Variants in PPFIA2 observed in about 807,000 individuals in gnomAD.
The protein encoded by PPFIA2 is PPFI scaffold protein A2.
PPFIA2 carries 46 observed loss-of-function variants against 175.5 expected under a neutral mutation model. That is an observed-to-expected ratio of 0.26 (90% CI 0.21 to 0.34). The LOEUF (loss-of-function observed/expected upper bound fraction) is 0.34, where lower values mean the gene tolerates loss of function less well. PPFIA2 is among the 10% of genes least tolerant of loss of function. The pLI is 1.00. For missense variants in PPFIA2, 1,179 were observed against 1,506.1 expected (o/e 0.78, Z 3.60); for synonymous variants, 568 against 511.4 (o/e 1.11, Z -1.49).
At chr12:81,581,888 T>C (rs1305252555) in intron 4 of PPFIA2, among the ~76,000 whole-genome samples, 2 of 151,920 alleles carry the variant, frequency 1.3e-5, no homozygotes, top group East Asian at 1.9e-4. Flanking sequence ...TTAAAATGTA[T>C]AAAATGCCTT....
intron 22 of PPFIA2, among the ~76,000 whole-genome samples, chr12:81,301,152 G>T (rs1410931637): frequency 6.6e-6 from 1 of 152,024 alleles, no homozygotes; most frequent in Non-Finnish European, 1.5e-5. Flanking sequence ...AAGAGGTGGG[G>T]ATGGCATTCC....
intron 4 of PPFIA2, among the ~76,000 whole-genome samples, chr12:81,621,946 T>C (rs2062090797): frequency 6.6e-6 from 1 of 152,070 alleles, no homozygotes; most frequent in South Asian, 2.1e-4. Context: ...GGAGTAAGTA[T>C]AGGGAAAGAA....
intron 4 of PPFIA2, among the ~76,000 whole-genome samples, chr12:81,489,205 T>C (rs1052518631): frequency 2.0e-5 from 3 of 151,818 alleles, no homozygotes; most frequent in African/African-American, 7.2e-5. Context: ...TAAAATTTAG[T>C]TCCCTAGTTG....
intron 28 of PPFIA2, among the ~76,000 whole-genome samples, chr12:81,270,113 C>G (rs1381609359): frequency 6.6e-6 from 1 of 152,128 alleles, no homozygotes; most frequent in East Asian, 1.9e-4. Context: ...TATTGTTATA[C>G]ATGGATTTTG....
At chr12:81,532,753 T>C (rs547846274) in intron 4 of PPFIA2, among the ~76,000 whole-genome samples, 31 of 151,842 alleles carry the variant, frequency 2.0e-4, no homozygotes, top group African/African-American at 7.0e-4. Context: ...TGATTCCCAT[T>C]TTATTTTTAA....
intron 3 of PPFIA2, among the ~76,000 whole-genome samples, chr12:81,706,334 A>G (rs2077134188): frequency 6.6e-6 from 1 of 152,228 alleles, no homozygotes; most frequent in South Asian, 2.1e-4. Flanking sequence ...TAGGGAGGCT[A>G]TATTACATAT....
chr12:81,646,212 C>A, intron 4 of PPFIA2, among the ~76,000 whole-genome samples: 1 of 152,124 alleles, frequency 6.6e-6, no homozygotes, highest in South Asian at 2.1e-4. Flanking sequence ...CAGAATTCTA[C>A]AATGATATAG....
chr12:81,592,932 AT>A (rs1444413358), intron 4 of PPFIA2, among the ~76,000 whole-genome samples: 1 of 151,088 alleles, frequency 6.6e-6, no homozygotes, highest in Non-Finnish European at 1.5e-5. Context: ...ATTTTTTTGT[AT>A]TTTTGATAGA....
intron 3 of PPFIA2, among the ~76,000 whole-genome samples, chr12:81,677,665 T>C (rs892837266): frequency 1.3e-5 from 2 of 151,918 alleles, no homozygotes; most frequent in Admixed American, 6.6e-5. Context: ...TGTTGCAAAT[T>C]TTAAAAATTA....
chr12:81,293,911 T>C (rs191249628), intron 24 of PPFIA2, among the ~76,000 whole-genome samples: 162 of 152,220 alleles, frequency 1.1e-3, no homozygotes, highest in South Asian at 3.9e-3. Flanking sequence ...CAGTGGATGA[T>C]TGGATAAATA....
At chr12:81,266,877 T>G (rs2037417318) in intron 30 of PPFIA2, 75 bp downstream of exon 30, 1 of 1,043,658 alleles carries the variant, frequency 9.6e-7, no homozygotes, top group East Asian at 2.5e-5. Context: ...CCAAGCACTA[T>G]TCCTTAAAAA....
At chr12:81,299,817 A>G (rs1199216819) in intron 22 of PPFIA2, among the ~76,000 whole-genome samples, 1 of 152,138 alleles carries the variant, frequency 6.6e-6, no homozygotes, top group Admixed American at 6.6e-5. Context: ...GAGGCAGAAG[A>G]TAAATTTGGT....
chr12:81,482,491 A>G (rs1193505590), intron 4 of PPFIA2, among the ~76,000 whole-genome samples: 1 of 152,200 alleles, frequency 6.6e-6, no homozygotes, highest in Non-Finnish European at 1.5e-5. Context: ...ACCCACCCAT[A>G]TGTCCATCAG....
At chr12:81,700,426 C>G (rs1161726155) in intron 3 of PPFIA2, among the ~76,000 whole-genome samples, 1 of 151,950 alleles carries the variant, frequency 6.6e-6, no homozygotes, top group Non-Finnish European at 1.5e-5. Flanking sequence ...AGATTTTTGT[C>G]TACCAAATAT....
At chr12:81,357,267 C>A (rs1566408233) in intron 16 of PPFIA2, among the ~76,000 whole-genome samples, 1 of 152,020 alleles carries the variant, frequency 6.6e-6, no homozygotes, top group Non-Finnish European at 1.5e-5. Flanking sequence ...TTCATGTATT[C>A]AACAGATATT....
intron 4 of PPFIA2, among the ~76,000 whole-genome samples, chr12:81,592,031 C>T (rs370726677): frequency 5.0e-4 from 76 of 152,200 alleles, no homozygotes; most frequent in African/African-American, 1.7e-3. Context: ...GGTGGAATTG[C>T]CCATGACCAT....
chr12:81,334,560 T>C (rs1182538268), intron 21 of PPFIA2, among the ~76,000 whole-genome samples: 1 of 151,972 alleles, frequency 6.6e-6, no homozygotes, highest in Non-Finnish European at 1.5e-5. Context: ...TATATTCTGG[T>C]TGAACTCTTT....
At chr12:81,595,028 G>A (rs966268598) in intron 4 of PPFIA2, among the ~76,000 whole-genome samples, 2 of 152,058 alleles carry the variant, frequency 1.3e-5, no homozygotes, top group African/African-American at 2.4e-5. Flanking sequence ...CTGAGTGAAG[G>A]TATTTAATTT....
In PPFIA2 at chr12:81,328,817, T is replaced by TC. The variant is rs1300726068; in HGVS notation, c.2549-2948dup. ...TTTCTTTTTTCTTTTTTTCTTTCTTTCTTTTTTTTTTTTTTTTAAACAGGG... is the reference window on the plus strand; with the variant it reads ...TTTCTTTTTTCTTTTTTTCTTTCTTTCCTTTTTTTTTTTTTTTTAAACAGGG... On this transcript the variant is annotated intron_variant, in intron 21 of 32. Coordinates refer to ENST00000549396, the MANE Select transcript of PPFIA2 (RefSeq NM_003625.5). Among the ~76,000 whole-genome samples, 4 of 80,670 alleles carry TC rather than the reference T, an allele frequency of 5.0e-5. No individual in the cohort carries two copies. The Admixed American group carries it at 5.0e-4, about 10-fold the overall frequency. 52.9% of individuals were successfully genotyped at this position (80,670 alleles called of 152,430 possible). A position where few individuals can be genotyped will look rare whatever the true frequency, so the allele number is the denominator to read the frequency against.
Sources: allele counts gnomAD v4.1 joint callset (sites outside exome capture counted in the v4.1 genomes callset), GRCh38; gene constraint gnomAD v4.1.1; transcripts MANE v1.5; gene names NCBI Gene and HGNC (gene_info 2026-07-23, HGNC 2026-07-21).